Variants in EIF4H observed in about 807,000 individuals in gnomAD.
The protein encoded by EIF4H is Williams-Beuren syndrome chromosome region 1.
In EIF4H, 8 loss-of-function variants were observed where a neutral mutation model predicts 30.6. The ratio of observed to expected loss-of-function variants is 0.26; its 90% CI spans 0.15 to 0.47. The LOEUF (loss-of-function observed/expected upper bound fraction) is 0.47, where lower values mean the gene tolerates loss of function less well. Ranked by LOEUF, EIF4H falls within the 20% of genes least tolerant of loss-of-function variation. The pLI is 0.99. For synonymous variants in EIF4H, 106 were observed against 122.7 expected (o/e 0.86, Z 0.90); for missense variants, 188 against 339.5 (o/e 0.55, Z 3.51).
At chr7:74,184,389 C>G (rs976706407) in intron 1 of EIF4H, among the ~76,000 whole-genome samples, 4 of 152,010 alleles carry the variant, frequency 2.6e-5, no homozygotes, top group Non-Finnish European at 1.5e-5. Context: ...ATCAAACACC[C>G]GAGAGTTTAT....
At chr7:74,185,787 A>G (rs535338704) in intron 1 of EIF4H, among the ~76,000 whole-genome samples, 6 of 152,134 alleles carry the variant, frequency 3.9e-5, no homozygotes, top group Non-Finnish European at 5.9e-5. Context: ...GACTTTGGGC[A>G]GGTCTTGGGT....
chr7:74,182,383 G>A (rs936160483), intron 1 of EIF4H, among the ~76,000 whole-genome samples: 7 of 152,188 alleles, frequency 4.6e-5, no homozygotes, highest in African/African-American at 1.7e-4. Context: ...TAGATATGGG[G>A]TTTTGCCGTG....
chr7:74,193,208 G>A (rs1392771834), intron 5 of EIF4H, among the ~76,000 whole-genome samples: 3 of 152,176 alleles, frequency 2.0e-5, no homozygotes, highest in Non-Finnish European at 2.9e-5. Context: ...TTCAGACAGC[G>A]ATGTCACCAG....
intron 5 of EIF4H, 103 bp downstream of exon 5, chr7:74,190,409 C>T: frequency 1.7e-6 from 2 of 1,165,304 alleles, no homozygotes; most frequent in Non-Finnish European, 1.3e-6. Context: ...TTATTTAGTT[C>T]CTTTAACAAA....
chr7:74,191,115 G>C, intron 5 of EIF4H: 1 of 525,548 alleles, frequency 1.9e-6, no homozygotes, highest in Non-Finnish European at 3.9e-6. Flanking sequence ...ACGCTGTCTT[G>C]TGAGTCTGAG....
chr7:74,191,969 C>T (rs1801228729), intron 5 of EIF4H, among the ~76,000 whole-genome samples: 1 of 151,936 alleles, frequency 6.6e-6, no homozygotes, highest in Non-Finnish European at 1.5e-5. Flanking sequence ...TTAGCAGAGA[C>T]GGGGTTTCAT....
intron 1 of EIF4H, among the ~76,000 whole-genome samples, chr7:74,178,032 C>T (rs1369255405): frequency 6.6e-6 from 1 of 152,098 alleles, no homozygotes; most frequent in African/African-American, 2.4e-5. Context: ...CCTCGACTTC[C>T]CAGGCTCAAG....
In EIF4H at chr7:74,188,626, A is replaced by C. The variant is rs117867235; in HGVS notation, c.247+828A>C. 7.3e-4 allele frequency among the ~76,000 whole-genome samples: 111 copies of C among 152,264 alleles called. No individual in the cohort carries two copies. In the East Asian group the frequency reaches 0.014, roughly 20 times the overall value. ...GTAATCAAACAGTGAAAACAAATAT[A>C]TCAGTTACACTTGTGAAGTAAGCTC... On this transcript the variant is annotated intron_variant, in intron 2 of 6. Coordinates refer to ENST00000265753, the MANE Select transcript of EIF4H (RefSeq NM_022170.2).
chr7:74,174,838 G>A (rs2115920728), intron 1 of EIF4H, among the ~76,000 whole-genome samples: 1 of 152,344 alleles, frequency 6.6e-6, no homozygotes, highest in East Asian at 1.9e-4. Context: ...CTCCGGTCCC[G>A]GCCTCTTTCG....
chr7:74,194,658 C>CA (rs1403031775), intron 5 of EIF4H, 83 bp from the exon 6 acceptor site: 57 of 1,446,540 alleles, frequency 3.9e-5, no homozygotes, highest in Non-Finnish European at 4.8e-5. Context: ...AAATGAAACT[C>CA]AAACAATTCC....
intron 1 of EIF4H, among the ~76,000 whole-genome samples, chr7:74,178,526 G>A (rs915463801): frequency 7.3e-5 from 11 of 151,026 alleles, no homozygotes; most frequent in African/African-American, 2.7e-4. Flanking sequence ...CAGCCTGGGC[G>A]ACAGAGAGAG....
chr7:74,191,121 C>CTGAGATTTTTAAA, intron 5 of EIF4H: 4 of 527,824 alleles, frequency 7.6e-6, no homozygotes, highest in Admixed American at 2.0e-5. Context: ...TCTTGTGAGT[C>CTGAGATTTTTAAA]TGAGATTTTT....
chr7:74,180,076 A>T (rs1800924968), intron 1 of EIF4H, among the ~76,000 whole-genome samples: 2 of 152,124 alleles, frequency 1.3e-5, no homozygotes, highest in South Asian at 4.1e-4. Context: ...ATATGCCTAT[A>T]GTCCCACCTA....
At chr7:74,195,112 T>G (rs1801314222) in intron 6 of EIF4H, 57 bp from the exon 7 acceptor site, 2 of 1,592,668 alleles carry the variant, frequency 1.3e-6, no homozygotes, top group Non-Finnish European at 1.7e-6. Flanking sequence ...GCATGGTCGT[T>G]TTGCTGGATA....
In EIF4H at chr7:74,195,749, TG is replaced by T. The variant is rs1402348685; in HGVS notation, c.*442del. On this transcript the variant is annotated 3_prime_UTR_variant, in exon 7 of 7. Transcript: ENST00000265753. Reference sequence around the variant, plus strand: ...CTCAGTGCTTCTCTTCTGACCTGCATGTTGAGTTCTGTATTGCTGGGGCTTC... The same window carrying T: ...CTCAGTGCTTCTCTTCTGACCTGCATTTGAGTTCTGTATTGCTGGGGCTTC... 1 of 157,664 alleles carries T rather than the reference TG, an allele frequency of 6.3e-6. No homozygotes were observed. The highest frequency in any genetic ancestry group is 1.4e-5 in the Non-Finnish European group (1 of 70,258). The allele number at this position is 157,664 out of a possible 1,614,324, so 9.8% of individuals were successfully genotyped here. A position where few individuals can be genotyped will look rare whatever the true frequency, so the allele number is the denominator to read the frequency against.
intron 5 of EIF4H, among the ~76,000 whole-genome samples, chr7:74,192,702 G>A (rs1801250698): frequency 7.7e-6 from 1 of 130,124 alleles, no homozygotes. Flanking sequence ...TTTTGAGACA[G>A]AGGCTCACTC....
At chr7:74,176,075 C>T (rs567490072) in intron 1 of EIF4H, among the ~76,000 whole-genome samples, 1 of 152,126 alleles carries the variant, frequency 6.6e-6, no homozygotes, top group Non-Finnish European at 1.5e-5. Flanking sequence ...CTTGAACTTC[C>T]TAATAGAAAG....
At chr7:74,179,403 G>A (rs530431021) in intron 1 of EIF4H, among the ~76,000 whole-genome samples, 7 of 152,106 alleles carry the variant, frequency 4.6e-5, no homozygotes, top group East Asian at 3.9e-4. Flanking sequence ...AGGCCAAGGC[G>A]GGCGGATTAC....
At chr7:74,177,907 T>A (rs974576242) in intron 1 of EIF4H, among the ~76,000 whole-genome samples, 6 of 152,166 alleles carry the variant, frequency 3.9e-5, no homozygotes, top group Non-Finnish European at 5.9e-5. Context: ...TTTCTTCACC[T>A]CTCTGAGCCT....
Sources: allele counts gnomAD v4.1 joint callset (sites outside exome capture counted in the v4.1 genomes callset), GRCh38; gene constraint gnomAD v4.1.1; transcripts MANE v1.5; gene names NCBI Gene and HGNC (gene_info 2026-07-23, HGNC 2026-07-21).